Variants in FOXP2 observed in about 807,000 individuals in gnomAD.
The protein encoded by FOXP2 is forkhead box P2.
FOXP2 carries 12 observed loss-of-function variants against 115.8 expected under a neutral mutation model. The ratio of observed to expected loss-of-function variants is 0.10; its 90% CI spans 0.07 to 0.17. FOXP2 has a LOEUF of 0.17. Among genes scored for constraint, FOXP2 ranks in the 10% least tolerant of loss-of-function variants. FOXP2 has a pLI of 1.00. For missense variants in FOXP2, 629 were observed against 843.5 expected (o/e 0.75, Z 3.15); for synonymous variants, 328 against 297.7 (o/e 1.10, Z -1.05).
At position 114,629,995 on chromosome 7, in the gene FOXP2, A is replaced by C. The variant is rs1563046071; in HGVS notation, c.587A>C (p.Gln196Pro). The C allele has an allele frequency of 2.5e-6, 4 of 1,611,608 alleles. No homozygotes were observed. The highest frequency in any genetic ancestry group is 3.4e-6 in the Non-Finnish European group (4 of 1,180,002). The stretch of plus-strand genomic sequence containing the variant: ...CAGCAGCAACAGCATCCTGGAAAGC[A>C]AGCGAAAGAGGTAGGATCCGGTTAT... ...QQQQQQHPGKQAKEQQQQQQQ... is the reference protein window; with the variant it reads ...QQQQQQHPGKPAKEQQQQQQQ... Residue 196 changes from glutamine (Q) to proline (P), a missense_variant, in exon 5 of 17, where the codon CAA becomes CCA. By Grantham distance (76) the Gln-to-Pro change is moderately conservative. This residue lies in a region of FOXP2 where 138 missense variants were observed against 205.1 expected (regional missense o/e 0.67). Coordinates refer to ENST00000350908, the MANE Select transcript of FOXP2 (RefSeq NM_014491.4).
intron 2 of FOXP2, among the ~76,000 whole-genome samples, chr7:114,346,278 A>G (rs975739482): frequency 1.3e-5 from 2 of 151,854 alleles, no homozygotes; most frequent in African/African-American, 4.8e-5. Flanking sequence ...TCATCATATC[A>G]AGGAGATATC....
chr7:114,306,175 A>T (rs556254181), intron 2 of FOXP2, among the ~76,000 whole-genome samples: 2 of 152,122 alleles, frequency 1.3e-5, no homozygotes, highest in African/African-American at 4.8e-5. Context: ...ATTTTACCCT[A>T]CTTACGTGTA....
chr7:114,443,377 T>A (rs1036219679), intron 2 of FOXP2, among the ~76,000 whole-genome samples: 1 of 152,210 alleles, frequency 6.6e-6, no homozygotes, highest in Admixed American at 6.5e-5. Context: ...CAAATATGCA[T>A]CTCTTCTCAC....
intron 2 of FOXP2, among the ~76,000 whole-genome samples, chr7:114,368,214 T>G (rs1454290769): frequency 1.3e-5 from 2 of 152,196 alleles, no homozygotes; most frequent in African/African-American, 4.8e-5. Context: ...TTATACACAT[T>G]GGTTAGTACT....
chr7:114,548,173 T>C (rs570098136), intron 3 of FOXP2, among the ~76,000 whole-genome samples: 1 of 152,190 alleles, frequency 6.6e-6, no homozygotes, highest in Non-Finnish European at 1.5e-5. Flanking sequence ...AAGAAGGGAA[T>C]GACAAAACAG....
rs568048605 is a variant in FOXP2 at position 114,386,142 on chromosome 7, G to A, written c.-10-40360G>A. On this transcript the variant is annotated intron_variant, in intron 2 of 17. Coordinates refer to the FOXP2 transcript ENST00000634411. ...TGCCGGATCCAGAGGGATGGGAGTC[G>A]GCGGTGGGTCTGCGACAGTGGCAAA... is the stretch of plus-strand genomic sequence containing the variant. Among the ~76,000 whole-genome samples, 284 of 152,308 alleles carry A rather than the reference G, an allele frequency of 1.9e-3. 1 individual carries two copies. The highest frequency in any genetic ancestry group is 2.4e-3 in the Non-Finnish European group (166 of 68,028).
intron 3 of FOXP2, among the ~76,000 whole-genome samples, chr7:114,581,331 A>C (rs912890920): frequency 1.3e-5 from 2 of 151,824 alleles, no homozygotes; most frequent in African/African-American, 4.8e-5. Context: ...CCACAGGCAC[A>C]AGCCACCATA....
intron 2 of FOXP2, among the ~76,000 whole-genome samples, chr7:114,440,727 T>C (rs536004359): frequency 2.0e-4 from 30 of 152,204 alleles, no homozygotes; most frequent in Non-Finnish European, 3.5e-4. Flanking sequence ...TTATAAAATT[T>C]AGTAACTTTG....
At chr7:114,303,297 C>CA (rs148377059) in intron 2 of FOXP2, among the ~76,000 whole-genome samples, 1 of 151,548 alleles carries the variant, frequency 6.6e-6, no homozygotes, top group African/African-American at 2.4e-5. Flanking sequence ...CCTACACATA[C>CA]AAAAAAAGGT....
intron 2 of FOXP2, among the ~76,000 whole-genome samples, chr7:114,329,660 A>C (rs1203112214): frequency 2.8e-4 from 8 of 28,368 alleles, no homozygotes; most frequent in African/African-American, 7.9e-4. Context: ...TTATTTATTT[A>C]TTTATTTATT....
At chr7:114,550,468 C>A (rs1239208815) in intron 3 of FOXP2, among the ~76,000 whole-genome samples, 1 of 152,062 alleles carries the variant, frequency 6.6e-6, no homozygotes, top group Non-Finnish European at 1.5e-5. Context: ...CTCTCTCCCA[C>A]CTTTTCTCTC....
chr7:114,542,667 GTTC>G (rs1418903751), intron 3 of FOXP2, among the ~76,000 whole-genome samples: 1 of 152,036 alleles, frequency 6.6e-6, no homozygotes, highest in Non-Finnish European at 1.5e-5. Context: ...TAAATGGTCA[GTTC>G]TTCTAAGAAC....
At chr7:114,572,896 T>A (rs1185399014) in intron 3 of FOXP2, among the ~76,000 whole-genome samples, 2 of 151,790 alleles carry the variant, frequency 1.3e-5, no homozygotes, top group African/African-American at 4.8e-5. Flanking sequence ...AAAGCTGAAT[T>A]TGTTGCCCAA....
intron 2 of FOXP2, among the ~76,000 whole-genome samples, chr7:114,394,045 C>T (rs1440798328): frequency 6.6e-6 from 1 of 150,510 alleles, no homozygotes; most frequent in Non-Finnish European, 1.5e-5. Flanking sequence ...TTGCTCTGTC[C>T]GCTGAAAGGT....
At chr7:114,091,070 T>A (rs1799533710) in intron 1 of FOXP2, among the ~76,000 whole-genome samples, 1 of 151,920 alleles carries the variant, frequency 6.6e-6, no homozygotes, top group Non-Finnish European at 1.5e-5. Flanking sequence ...AATATTGTTT[T>A]CTTGCAGATA....
intron 2 of FOXP2, among the ~76,000 whole-genome samples, chr7:114,473,741 C>T (rs1346796428): frequency 6.6e-6 from 1 of 152,086 alleles, no homozygotes; most frequent in Non-Finnish European, 1.5e-5. Context: ...AGTTTTCTCC[C>T]CACAGTTCTG....
intron 1 of FOXP2, among the ~76,000 whole-genome samples, chr7:114,122,439 T>C (rs1791591833): frequency 1.3e-5 from 2 of 151,850 alleles, no homozygotes; most frequent in Admixed American, 1.3e-4. Flanking sequence ...ACTGGGAGTT[T>C]TGTTGCCAGC....
intron 2 of FOXP2, among the ~76,000 whole-genome samples, chr7:114,444,786 A>G (rs1455724291): frequency 6.6e-6 from 1 of 152,116 alleles, no homozygotes; most frequent in Non-Finnish European, 1.5e-5. Flanking sequence ...TTTGTTCTAT[A>G]TAGTTAATAT....
intron 2 of FOXP2, among the ~76,000 whole-genome samples, chr7:114,342,936 GAAATC>G (rs1329855003): frequency 6.6e-6 from 1 of 151,506 alleles, no homozygotes; most frequent in Non-Finnish European, 1.5e-5. Flanking sequence ...GAAATGTTCA[GAAATC>G]TAAAAATGCT....
Sources: gnomAD v4.1 joint callset for allele counts (sites outside exome capture counted in the v4.1 genomes callset) on GRCh38, gnomAD v4.1.1 for gene constraint, gnomAD v4.1.1 regional missense constraint, MANE v1.5 for transcripts, NCBI Gene and HGNC (gene_info 2026-07-23, HGNC 2026-07-21) for gene names.